The following PTK2 variants were observed in gnomAD, a reference collection of about 807,000 sequenced individuals.
PTK2 encodes the protein protein tyrosine kinase 2.
A neutral mutation model predicts 150.1 loss-of-function variants in PTK2; 45 were observed. The ratio of observed to expected loss-of-function variants is 0.30; its 90% confidence interval spans 0.24 to 0.38. PTK2 has a LOEUF of 0.38. Among genes scored for constraint, PTK2 ranks in the 10% least tolerant of loss-of-function variants. The pLI is 1.00. For synonymous variants in PTK2, 432 were observed against 449.2 expected, an observed-to-expected ratio of 0.96 and a Z score of 0.48; for missense variants, 919 against 1,307.3, an observed-to-expected ratio of 0.70 and a Z score of 4.58.
chr8:140,671,464 C>T (rs2095395603), intron 29 of PTK2, among the ~76,000 whole-genome samples: 1 of 152,154 alleles, frequency 6.6e-6, no homozygotes, highest in African/African-American at 2.4e-5. Context: ...TCAAGCAATC[C>T]ACTTGCCTTG....
At chr8:140,809,042 A>G (rs375889116) in intron 10 of PTK2, among the ~76,000 whole-genome samples, 1 of 151,982 alleles carries the variant, frequency 6.6e-6, no homozygotes, top group Admixed American at 6.6e-5. Context: ...CAAAGATAAA[A>G]CTTCAAATGA....
intron 1 of PTK2, among the ~76,000 whole-genome samples, chr8:140,961,088 G>A (rs2100183025): frequency 1.3e-5 from 2 of 152,220 alleles, no homozygotes; most frequent in Non-Finnish European, 2.9e-5. Flanking sequence ...TCAAATTCAA[G>A]AAACCTGAAT....
At chr8:140,791,891 G>A (rs2100088689) in intron 13 of PTK2, among the ~76,000 whole-genome samples, 1 of 152,190 alleles carries the variant, frequency 6.6e-6, no homozygotes, top group African/African-American at 2.4e-5. Context: ...CAAGGTTAGA[G>A]AAGTGAGCAG....
chr8:140,828,047 G>C (rs1053200573), intron 8 of PTK2, among the ~76,000 whole-genome samples: 11 of 151,868 alleles, frequency 7.2e-5, no homozygotes, highest in African/African-American at 2.7e-4. Context: ...GGCACCTGTA[G>C]TCCCAGCTAT....
intron 16 of PTK2, among the ~76,000 whole-genome samples, chr8:140,753,510 C>T (rs570350526): frequency 6.6e-6 from 1 of 152,004 alleles, no homozygotes; most frequent in Non-Finnish European, 1.5e-5. Flanking sequence ...ACGAAATCAC[C>T]AAGGGAGATG....
chr8:140,837,709 A>C (rs2100119596), intron 7 of PTK2, among the ~76,000 whole-genome samples: 1 of 152,084 alleles, frequency 6.6e-6, no homozygotes, highest in Non-Finnish European at 1.5e-5. Flanking sequence ...AGCCTGGGCA[A>C]CAGAGAGAGA....
At chr8:140,869,408 T>TCAA (rs764725287) in intron 4 of PTK2, among the ~76,000 whole-genome samples, 2 of 152,190 alleles carry the variant, frequency 1.3e-5, no homozygotes, top group Non-Finnish European at 2.9e-5. Context: ...GGCCAGCTTC[T>TCAA]CAACTTCATA....
chr8:140,897,495 C>T (rs950592186), intron 2 of PTK2, among the ~76,000 whole-genome samples: 1 of 152,164 alleles, frequency 6.6e-6, no homozygotes. Context: ...CAGCTCTCTC[C>T]GGGAAGGTCT....
At chr8:140,727,540 C>A (rs2100046615) in intron 22 of PTK2, among the ~76,000 whole-genome samples, 1 of 149,708 alleles carries the variant, frequency 6.7e-6, no homozygotes, top group Admixed American at 6.6e-5. Flanking sequence ...AATTTAGACA[C>A]CACCTTTGAA....
At chr8:140,752,367 T>C (rs759474422) in intron 16 of PTK2, 51 bp from the exon 20 acceptor site, 33 of 1,519,122 alleles carry the variant, frequency 2.2e-5, no homozygotes, top group South Asian at 9.1e-5. Flanking sequence ...AGGTTTGCTA[T>C]ATTAATTGAT....
Position 140,993,464 on chromosome 8 carries a change from A to T in PTK2, c.-122+7661T>A, listed in dbSNP as rs574898983. ...TTACTGTGTAAGACACTGGTGATTC[A>T]ATAATGTATAAAACAAAGTTTATGC... On this transcript the variant is annotated intron_variant, in intron 1 of 31. Transcript: ENST00000522684. 7.2e-5 allele frequency among the ~76,000 whole-genome samples: 11 copies of T among 152,360 alleles called. No individual in the cohort carries two copies. In the South Asian group the frequency reaches 2.3e-3, roughly 32 times the overall value.
intron 2 of PTK2, among the ~76,000 whole-genome samples, chr8:140,915,506 G>C (rs1452824500): frequency 6.6e-6 from 1 of 152,174 alleles, no homozygotes; most frequent in Non-Finnish European, 1.5e-5. Flanking sequence ...AGGAGGCTGG[G>C]AGTGGGAATG....
At chr8:140,956,430 T>TAA (rs2100181242) in intron 1 of PTK2, among the ~76,000 whole-genome samples, 1 of 152,272 alleles carries the variant, frequency 6.6e-6, no homozygotes, top group South Asian at 2.1e-4. Context: ...GCCAGTCGTA[T>TAA]AAAAGTCTAG....
chr8:140,850,728 T>G (rs2100128785), intron 5 of PTK2, among the ~76,000 whole-genome samples: 1 of 152,102 alleles, frequency 6.6e-6, no homozygotes, highest in Non-Finnish European at 1.5e-5. Context: ...AGACTCCATC[T>G]CAAAAAAGAA....
chr8:140,966,322 C>T (rs2100185285), intron 1 of PTK2, among the ~76,000 whole-genome samples: 1 of 152,232 alleles, frequency 6.6e-6, no homozygotes. Context: ...ACCTCAGCCA[C>T]ATTCTGATAA....
At chr8:140,689,367 A>T (rs1050836074) in intron 26 of PTK2, among the ~76,000 whole-genome samples, 2 of 152,238 alleles carry the variant, frequency 1.3e-5, no homozygotes, top group African/African-American at 4.8e-5. Context: ...AACATTACTC[A>T]ATGTAAATAT....
rs147931268 is a variant in PTK2, at chr8:140,824,849, G to A, written c.648+5623C>T. On this transcript the variant is annotated intron_variant, in intron 8 of 31. Transcript: ENST00000522684. ...TGGATTTTGGAAACAAGGCATCTAC[G>A]CACACTATTTTATTTTAAACCAATT... is the stretch of plus-strand genomic sequence containing the variant. Among the ~76,000 whole-genome samples the A allele has an allele frequency of 4.5e-3, 687 of 152,228 alleles. 4 individuals carry two copies. The highest frequency in any genetic ancestry group is 0.016 in the African/African-American group (649 of 41,538).
rs531524110 is a variant in PTK2 at position 140,783,607 on chromosome 8, T to C, written c.1177+5867A>G. On this transcript the variant is annotated intron_variant, in intron 14 of 31. Transcript: ENST00000522684. ...ATAGACTATACCACCTTATATTTTA[T>C]AGAACTTTACAGTTTACAAACCACC... Among the ~76,000 whole-genome samples, 7 of 152,352 alleles carry C rather than the reference T, an allele frequency of 4.6e-5. No homozygotes were observed. In the South Asian group the frequency reaches 1.4e-3, roughly 32 times the overall value.
At chr8:140,851,687 T>G (rs1035926936) in intron 5 of PTK2, among the ~76,000 whole-genome samples, 1 of 151,924 alleles carries the variant, frequency 6.6e-6, no homozygotes, top group Non-Finnish European at 1.5e-5. Context: ...GGCAAAAACA[T>G]CTCTCTACTA....
Sources: gnomAD v4.1 joint callset for allele counts (sites outside exome capture counted in the v4.1 genomes callset) on GRCh38, gnomAD v4.1.1 for gene constraint, MANE v1.5 for transcripts, NCBI Gene and HGNC (gene_info 2026-07-23, HGNC 2026-07-21) for gene names.